Variants in ABHD12 observed in about 807,000 individuals in gnomAD.
The protein encoded by ABHD12 is abhydrolase domain containing 12, lysophospholipase.
ABHD12 carries 43 observed loss-of-function variants against 58.3 expected under a neutral mutation model. That is an observed-to-expected ratio of 0.74 (90% CI 0.58 to 0.95). The LOEUF (loss-of-function observed/expected upper bound fraction) is 0.95. ABHD12 is among the 40% of genes least tolerant of loss of function. The pLI is 0.00. For synonymous variants in ABHD12, 219 were observed against 211.2 expected (o/e 1.04, Z -0.32); for missense variants, 539 against 537.2 (o/e 1.00, Z -0.03).
At chr20:25,371,847 G>A (rs2089903522) in intron 1 of ABHD12, among the ~76,000 whole-genome samples, 1 of 152,168 alleles carries the variant, frequency 6.6e-6, no homozygotes, top group South Asian at 2.1e-4. Context: ...ACAGTGCCTG[G>A]TCCCCTAGAT....
chr20:25,387,573 T>G (rs1199536180), intron 1 of ABHD12, among the ~76,000 whole-genome samples: 1 of 101,678 alleles, frequency 9.8e-6, no homozygotes, highest in Admixed American at 1.4e-4. Flanking sequence ...GGCAACATAG[T>G]GAGACTTCAT....
chr20:25,390,354 G>A (rs1266038527), intron 1 of ABHD12, among the ~76,000 whole-genome samples, 159 bp downstream of exon 1: 2 of 152,104 alleles, frequency 1.3e-5, no homozygotes, highest in African/African-American at 2.4e-5. Flanking sequence ...GGGCTGCCGC[G>A]GGCCAAATGC....
chr20:25,384,206 T>C (rs191972533), intron 1 of ABHD12, among the ~76,000 whole-genome samples: 1 of 151,338 alleles, frequency 6.6e-6, no homozygotes, highest in Non-Finnish European at 1.5e-5. Flanking sequence ...CCAGATACCA[T>C]GCAAAGCAAA....
intron 1 of ABHD12, among the ~76,000 whole-genome samples, chr20:25,389,759 G>C (rs1336637852): frequency 6.6e-6 from 1 of 152,210 alleles, no homozygotes; most frequent in Non-Finnish European, 1.5e-5. Context: ...AACTTGTGCG[G>C]ACAGATTTCA....
At chr20:25,304,158 A>G (rs892178188) in intron 10 of ABHD12, among the ~76,000 whole-genome samples, 1 of 152,244 alleles carries the variant, frequency 6.6e-6, no homozygotes, top group African/African-American at 2.4e-5. Flanking sequence ...TGCGGCCCTC[A>G]CTGAGGTGGT....
chr20:25,345,080 C>A (rs142602287), intron 1 of ABHD12, among the ~76,000 whole-genome samples: 2 of 151,208 alleles, frequency 1.3e-5, no homozygotes, highest in South Asian at 4.2e-4. Flanking sequence ...TTGGGTATGA[C>A]GAAGACTTTT....
At chr20:25,390,188 G>A (rs1033665272) in intron 1 of ABHD12, 1 of 237,144 alleles carries the variant, frequency 4.2e-6, no homozygotes, top group Non-Finnish European at 8.0e-6. Context: ...GCGGCGCCAA[G>A]CCCCCAGCGT....
At chr20:25,364,816 C>T (rs2089797805) in intron 1 of ABHD12, among the ~76,000 whole-genome samples, 1 of 152,216 alleles carries the variant, frequency 6.6e-6, no homozygotes, top group Non-Finnish European at 1.5e-5. Flanking sequence ...TAACTCTGGG[C>T]AAACACTCTC....
intron 1 of ABHD12, among the ~76,000 whole-genome samples, chr20:25,385,842 T>A (rs1011682464): frequency 6.6e-6 from 1 of 152,156 alleles, no homozygotes; most frequent in African/African-American, 2.4e-5. Context: ...CTGACACCTG[T>A]AATCCCAGCA....
At chr20:25,389,772 T>C (rs1427159655) in intron 1 of ABHD12, among the ~76,000 whole-genome samples, 1 of 152,200 alleles carries the variant, frequency 6.6e-6, no homozygotes, top group Non-Finnish European at 1.5e-5. Context: ...AGATTTCAAG[T>C]ACCACGAACC....
chr20:25,331,948 T>C (rs1486232113), intron 2 of ABHD12, among the ~76,000 whole-genome samples: 1 of 151,724 alleles, frequency 6.6e-6, no homozygotes, highest in Non-Finnish European at 1.5e-5. Context: ...CAAATTCACA[T>C]ATAACAATAT....
intron 2 of ABHD12, among the ~76,000 whole-genome samples, chr20:25,325,380 C>T (rs1445329332): frequency 3.9e-5 from 6 of 152,140 alleles, no homozygotes; most frequent in African/African-American, 7.2e-5. Context: ...CCAAAAAAGA[C>T]TATGTTCAAG....
chr20:25,344,484 A>G lies in ABHD12; in HGVS notation c.192-5133T>C, dbSNP rs192061555. On this transcript the variant is annotated intron_variant, in intron 1 of 12. Coordinates refer to ENST00000339157, the MANE Select transcript of ABHD12 (RefSeq NM_001042472.3). Reference sequence around the variant, plus strand: ...ACAAATCTAACAAAATATGTACAAGATCTAATGAGGAAAACGATAAACTCT... The same window carrying G: ...ACAAATCTAACAAAATATGTACAAGGTCTAATGAGGAAAACGATAAACTCT... 1.3e-3 allele frequency among the ~76,000 whole-genome samples: 200 copies of G among 152,358 alleles called. 2 individuals are homozygous for G. Among genetic ancestry groups the G allele is most frequent in the African/African-American group, 4.5e-3 (187 of 41,584 alleles).
chr20:25,335,215 A>G (rs1157732100), intron 2 of ABHD12, among the ~76,000 whole-genome samples: 1 of 152,282 alleles, frequency 6.6e-6, no homozygotes. Context: ...AATGCTCACC[A>G]TCACTGGCCA....
intron 1 of ABHD12, among the ~76,000 whole-genome samples, chr20:25,389,311 T>G (rs1333426035): frequency 6.6e-6 from 1 of 152,212 alleles, no homozygotes; most frequent in Non-Finnish European, 1.5e-5. Context: ...GTCTCCGCCC[T>G]TCTGTCAAAC....
At position 25,301,972 on chromosome 20, in the gene ABHD12, T is replaced by C. The variant is rs2236180; in HGVS notation, c.1157+247A>G. Among the ~76,000 whole-genome samples, 24,077 of 152,228 alleles carry C rather than the reference T, an allele frequency of 0.16. 2,211 individuals are homozygous for C. The highest frequency in any genetic ancestry group is 0.35 in the East Asian group (1,788 of 5,172). Reference sequence around the variant, plus strand: ...ACCTGTGAGCGTGTGTGCCCCCCCGTGTGGGTCTGTACATCCTTTACAACA... The same window carrying C: ...ACCTGTGAGCGTGTGTGCCCCCCCGCGTGGGTCTGTACATCCTTTACAACA... On this transcript the variant is annotated intron_variant, in intron 12 of 12. Coordinates refer to ENST00000339157, the MANE Select transcript of ABHD12 (RefSeq NM_001042472.3).
chr20:25,311,284 C>T (rs1016128054), intron 6 of ABHD12, among the ~76,000 whole-genome samples: 1 of 152,164 alleles, frequency 6.6e-6, no homozygotes, highest in African/African-American at 2.4e-5. Context: ...CAAGGGTCCT[C>T]ATCAGAGAAA....
At chr20:25,354,619 A>T (rs936073048) in intron 1 of ABHD12, among the ~76,000 whole-genome samples, 2 of 152,106 alleles carry the variant, frequency 1.3e-5, no homozygotes, top group Non-Finnish European at 2.9e-5. Context: ...CATGATGAGG[A>T]CCCTTTTGGT....
chr20:25,300,484 C>T lies in ABHD12; in HGVS notation c.*361G>A. On this transcript the variant is annotated 3_prime_UTR_variant, in exon 13 of 13. Transcript: ENST00000339157. ...CTGTGGGTGGTGCCAAAAAGCTCAGCATGGTCCCGAGCCCCAAGAGTCCCC... is the reference window on the plus strand; with the variant it reads ...CTGTGGGTGGTGCCAAAAAGCTCAGTATGGTCCCGAGCCCCAAGAGTCCCC... The T allele has an allele frequency of 7.9e-7, 1 of 1,259,196 alleles. No individual in the cohort carries two copies. The highest frequency in any genetic ancestry group is 1.0e-6 in the Non-Finnish European group (1 of 989,460). 78.0% of individuals were successfully genotyped at this position (1,259,196 alleles called of 1,614,324 possible).
Sources: allele counts gnomAD v4.1 joint callset (sites outside exome capture counted in the v4.1 genomes callset), GRCh38; gene constraint gnomAD v4.1.1; transcripts MANE v1.5; gene names NCBI Gene and HGNC (gene_info 2026-07-23, HGNC 2026-07-21).